Variants in SDK1 observed in about 807,000 individuals in gnomAD.
SDK1 encodes protein sidekick-1.
SDK1 carries 157 observed loss-of-function variants against 245.5 expected under a neutral mutation model. The ratio of observed to expected loss-of-function variants is 0.64; its 90% confidence interval spans 0.56 to 0.73. The LOEUF (loss-of-function observed/expected upper bound fraction) is 0.73, where lower values mean the gene tolerates loss of function less well. Ranked by LOEUF, SDK1 falls within the 30% of genes least tolerant of loss-of-function variation. SDK1 has a pLI of 0.00. For missense variants in SDK1, 3,583 were observed against 3,002.3 expected (o/e 1.19, Z -4.52); for synonymous variants, 1,647 against 1,278.5 (o/e 1.29, Z -6.15).
At chr7:3,681,575 C>G (rs560866570) in intron 4 of SDK1, among the ~76,000 whole-genome samples, 1 of 152,180 alleles carries the variant, frequency 6.6e-6, no homozygotes, top group Non-Finnish European at 1.5e-5. Flanking sequence ...TTCAATAACA[C>G]TTAATGTCTT....
At position 3,607,752 on chromosome 7, in the gene SDK1, G is replaced by C. The variant is rs988169367; in HGVS notation, c.299-11328G>C. Among the ~76,000 whole-genome samples the C allele has an allele frequency of 2.0e-5, 3 of 152,216 alleles. No individual in the cohort carries two copies. The East Asian group carries it at 5.8e-4, about 29-fold the overall frequency. The stretch of plus-strand genomic sequence containing the variant: ...TGTTGTGGATGAAGTTCAAGATCCA[G>C]CATTCTGTAGGAAGATGCAATTTCA... On this transcript the variant is annotated intron_variant, in intron 1 of 44. Coordinates refer to ENST00000404826, the MANE Select transcript of SDK1 (RefSeq NM_152744.4).
chr7:3,760,713 A>G (rs1283023770), intron 4 of SDK1, among the ~76,000 whole-genome samples: 3 of 152,122 alleles, frequency 2.0e-5, no homozygotes, highest in East Asian at 3.9e-4. Context: ...GTCTTTTGGG[A>G]TGATAACCGG....
intron 5 of SDK1, among the ~76,000 whole-genome samples, chr7:3,877,258 G>T (rs1007323264): frequency 1.3e-5 from 2 of 152,152 alleles, no homozygotes; most frequent in African/African-American, 4.8e-5. Context: ...TGGAGAGTCC[G>T]CCTCTCTGAG....
chr7:3,403,844 T>TAC (rs1191163452), intron 1 of SDK1, among the ~76,000 whole-genome samples: 1 of 93,468 alleles, frequency 1.1e-5, no homozygotes, highest in Non-Finnish European at 1.9e-5. Flanking sequence ...TATATATATA[T>TAC]ATATATATAT....
intron 35 of SDK1, among the ~76,000 whole-genome samples, chr7:4,198,373 G>C (rs1783701534): frequency 6.6e-6 from 1 of 152,202 alleles, no homozygotes; most frequent in Non-Finnish European, 1.5e-5. Context: ...ACCTGGGCCA[G>C]GTGCCTTGAA....
intron 25 of SDK1, among the ~76,000 whole-genome samples, chr7:4,116,751 T>C (rs1404108805): frequency 1.3e-5 from 2 of 152,196 alleles, no homozygotes; most frequent in East Asian, 1.9e-4. Flanking sequence ...AGCAGAACCA[T>C]GGCCTTGTGG....
rs1434239449 is a variant in SDK1 at position 4,074,916 on chromosome 7, A to ATATT, written c.3011-2081_3011-2080insATTT. Among the ~76,000 whole-genome samples, 351 of 64,578 alleles carry ATATT rather than the reference A, an allele frequency of 5.4e-3. 2 individuals carry two copies. Among genetic ancestry groups the ATATT allele is most frequent in the Middle Eastern group, 0.012 (1 of 86 alleles). The allele number at this position is 64,578 out of a possible 152,430, so 42.4% of individuals were successfully genotyped here. A position where few individuals can be genotyped will look rare whatever the true frequency, so the allele number is the denominator to read the frequency against. ...TATATATATATATATATATATATAT[A>ATATT]TTTTTTTTTTTTTTTAATAAAGTTA... On this transcript the variant is annotated intron_variant, in intron 20 of 44. Coordinates refer to ENST00000404826, the MANE Select transcript of SDK1 (RefSeq NM_152744.4).
chr7:4,174,280 A>T lies in SDK1; in HGVS notation c.4859A>T (p.Glu1620Val), dbSNP rs772632315. ...LLQGYRIYYR[E>V]LEYEAGSGTE... ...CAGGGATACAGGATCTACTACAGGG[A>T]GCTGGAGTATGAAGCCGGGTCAGGC... The change falls in exon 33 of 45, where the codon GAG (glutamate) becomes GTG (valine). Residue 1620 changes from glutamate to valine, a missense_variant. Transcript: ENST00000404826. 7.4e-6 allele frequency: 12 copies of T among 1,613,854 alleles called. 1 individual carries two copies. The South Asian group carries it at 1.2e-4, about 16-fold the overall frequency.
chr7:3,801,598 C>T (rs1779108558), intron 4 of SDK1, among the ~76,000 whole-genome samples: 1 of 152,100 alleles, frequency 6.6e-6, no homozygotes, highest in Admixed American at 6.5e-5. Flanking sequence ...GGAAGGAGGG[C>T]CTGGGAGGGA....
chr7:3,955,508 T>C (rs1273652354), intron 7 of SDK1, among the ~76,000 whole-genome samples: 1 of 152,146 alleles, frequency 6.6e-6, no homozygotes, highest in Non-Finnish European at 1.5e-5. Flanking sequence ...AGCATATTCA[T>C]AGATTCCAGA....
intron 30 of SDK1, among the ~76,000 whole-genome samples, chr7:4,154,555 C>T (rs969269634): frequency 2.6e-5 from 4 of 151,980 alleles, no homozygotes; most frequent in Non-Finnish European, 5.9e-5. Flanking sequence ...GTGGGGGAGC[C>T]AGAGAAAGCT....
intron 5 of SDK1, among the ~76,000 whole-genome samples, chr7:3,838,650 C>T (rs1562481214): frequency 1.3e-5 from 2 of 152,126 alleles, no homozygotes; most frequent in Non-Finnish European, 1.5e-5. Context: ...TCCGGTGTTG[C>T]CAGCCCCCGT....
chr7:3,875,109 T>G (rs1781043720), intron 5 of SDK1, among the ~76,000 whole-genome samples: 1 of 152,218 alleles, frequency 6.6e-6, no homozygotes, highest in Non-Finnish European at 1.5e-5. Flanking sequence ...CCTATGGGCT[T>G]ATAGTGAGTT....
chr7:3,611,996 A>C (rs995200249), intron 1 of SDK1, among the ~76,000 whole-genome samples: 46 of 152,250 alleles, frequency 3.0e-4, no homozygotes, highest in African/African-American at 9.1e-4. Flanking sequence ...GTAACTGGGG[A>C]ATGGAAAACC....
chr7:3,604,053 G>C (rs1781336348), intron 1 of SDK1, among the ~76,000 whole-genome samples: 3 of 152,154 alleles, frequency 2.0e-5, no homozygotes, highest in Non-Finnish European at 4.4e-5. Flanking sequence ...TGGTGGATAA[G>C]CTTTTTGATG....
intron 13 of SDK1, among the ~76,000 whole-genome samples, chr7:3,980,686 G>A (rs917194645): frequency 6.6e-6 from 1 of 152,250 alleles, no homozygotes; most frequent in Non-Finnish European, 1.5e-5. Context: ...GCTCACGCCT[G>A]TAATCGCAGC....
At chr7:3,548,133 A>G (rs1040882727) in intron 1 of SDK1, among the ~76,000 whole-genome samples, 1 of 152,346 alleles carries the variant, frequency 6.6e-6, no homozygotes, top group Middle Eastern at 3.4e-3. Context: ...ATCAGTATGA[A>G]TAGTTGTTGA....
chr7:4,153,232 ATTTCT>A lies in SDK1; in HGVS notation c.4625+3773_4625+3777del, dbSNP rs1490001623. On this transcript the variant is annotated intron_variant, in intron 30 of 44. Coordinates refer to ENST00000404826, the MANE Select transcript of SDK1 (RefSeq NM_152744.4). The stretch of plus-strand genomic sequence containing the variant: ...CCACGGCCCTAGCTCCTTTTGACTG[ATTTCT>A]TTTTTTTTTTTTTCTTTTTCCGTAT... 7.7e-5 allele frequency among the ~76,000 whole-genome samples: 11 copies of A among 143,140 alleles called. No individual in the cohort carries two copies. The East Asian group carries it at 1.8e-3, about 23-fold the overall frequency. The allele number at this position is 143,140 out of a possible 152,430, so 93.9% of individuals were successfully genotyped here.
chr7:3,912,102 GGA>G (rs1355203314), intron 5 of SDK1, among the ~76,000 whole-genome samples: 1 of 152,188 alleles, frequency 6.6e-6, no homozygotes, highest in Non-Finnish European at 1.5e-5. Context: ...AAACTACAGA[GGA>G]GCTTGAGCAG....
Sources: gnomAD v4.1 joint callset for allele counts (sites outside exome capture counted in the v4.1 genomes callset) on GRCh38, gnomAD v4.1.1 for gene constraint, MANE v1.5 for transcripts, NCBI Gene and HGNC (gene_info 2026-07-23, HGNC 2026-07-21) for gene names.